THSD7A: variants seen among roughly 807,000 people sequenced by gnomAD.
The protein encoded by THSD7A is thrombospondin type-1 domain-containing protein 7A.
A neutral mutation model predicts 231.3 loss-of-function variants in THSD7A; 96 were observed. The observed-to-expected ratio is 0.41, with a 90% confidence interval of 0.35 to 0.49. The LOEUF (loss-of-function observed/expected upper bound fraction) is 0.49, where lower values mean the gene tolerates loss of function less well. THSD7A is among the 20% of genes least tolerant of loss of function. The pLI is 0.05. For missense variants in THSD7A, 2,290 were observed against 2,070.2 expected, an observed-to-expected ratio of 1.11 and a Z score of -2.06; for synonymous variants, 940 against 743.3, an observed-to-expected ratio of 1.26 and a Z score of -4.30.
chr7:11,415,938 T>C (rs2115394349), intron 17 of THSD7A, among the ~76,000 whole-genome samples: 1 of 152,326 alleles, frequency 6.6e-6, no homozygotes, highest in South Asian at 2.1e-4. Context: ...TGCCCAAAAA[T>C]CTTTTCCAAC....
At chr7:11,666,797 A>G (rs970043627) in intron 1 of THSD7A, among the ~76,000 whole-genome samples, 1 of 151,782 alleles carries the variant, frequency 6.6e-6, no homozygotes, top group African/African-American at 2.4e-5. Flanking sequence ...GTGGAGGCTG[A>G]TATTCCATTT....
At chr7:11,604,700 C>T (rs1388695993) in intron 2 of THSD7A, among the ~76,000 whole-genome samples, 2 of 152,110 alleles carry the variant, frequency 1.3e-5, no homozygotes, top group African/African-American at 2.4e-5. Context: ...AATGACAATG[C>T]AGTTCTCTGA....
chr7:11,562,641 T>C (rs1311411972), intron 4 of THSD7A, among the ~76,000 whole-genome samples: 1 of 152,208 alleles, frequency 6.6e-6, no homozygotes, highest in Non-Finnish European at 1.5e-5. Flanking sequence ...ACTTTATTAC[T>C]AAATATAAGG....
chr7:11,394,985 A>G (rs1783125743), intron 23 of THSD7A, among the ~76,000 whole-genome samples: 1 of 152,222 alleles, frequency 6.6e-6, no homozygotes, highest in Admixed American at 6.5e-5. Flanking sequence ...CTTAAATGTA[A>G]ATGGGCTAAA....
At chr7:11,644,973 G>A (rs374138421) in intron 1 of THSD7A, among the ~76,000 whole-genome samples, 4 of 151,784 alleles carry the variant, frequency 2.6e-5, no homozygotes, top group African/African-American at 9.7e-5. Context: ...ACTTCCTTAG[G>A]TTACATTCCA....
intron 23 of THSD7A, among the ~76,000 whole-genome samples, chr7:11,388,000 T>G (rs573310452): frequency 2.0e-5 from 3 of 152,260 alleles, no homozygotes; most frequent in African/African-American, 7.2e-5. Flanking sequence ...TGATGGATTA[T>G]GTTTATTGAT....
chr7:11,560,470 C>G (rs1424288265), intron 4 of THSD7A, among the ~76,000 whole-genome samples: 1 of 152,050 alleles, frequency 6.6e-6, no homozygotes, highest in Non-Finnish European at 1.5e-5. Flanking sequence ...AACAAGGTCA[C>G]TGTGAGAGCC....
rs1439626012 is a variant in THSD7A at position 11,614,471 on chromosome 7, G to C, written c.1023-20969C>G. ...GCAAATTGAGTGGCTGATCCAGAAT[G>C]TATGTGTCTCCCAGTACTGCTGTAG... On this transcript the variant is annotated intron_variant, in intron 2 of 27. Coordinates refer to ENST00000423059, the MANE Select transcript of THSD7A (RefSeq NM_015204.3). Among the ~76,000 whole-genome samples the C allele has an allele frequency of 4.6e-5, 7 of 152,214 alleles. No homozygotes were observed. The East Asian group carries it at 1.3e-3, about 29-fold the overall frequency.
rs185706121 is a variant in THSD7A, at chr7:11,723,700, A to G, written c.191-86739T>C. ...AGATCAGGAGGCTAGCCACTTATCT[A>G]CATCAGGGAAGAGCATTTCAATAGA... On this transcript the variant is annotated intron_variant, in intron 1 of 27. Transcript: ENST00000423059. Among the ~76,000 whole-genome samples, 12 of 152,014 alleles carry G rather than the reference A, an allele frequency of 7.9e-5. No individual in the cohort carries two copies. In the East Asian group the frequency reaches 2.2e-3, roughly 27 times the overall value.
intron 1 of THSD7A, among the ~76,000 whole-genome samples, chr7:11,679,022 T>A (rs1783760139): frequency 6.6e-6 from 1 of 152,196 alleles, no homozygotes; most frequent in African/African-American, 2.4e-5. Context: ...GCTTCATCCC[T>A]GGGATGCAAG....
chr7:11,565,160 C>T (rs184373933), intron 4 of THSD7A, among the ~76,000 whole-genome samples: 16 of 152,264 alleles, frequency 1.1e-4, no homozygotes, highest in African/African-American at 3.4e-4. Context: ...ACAAAAACAG[C>T]ATTAACTGAT....
intron 13 of THSD7A, among the ~76,000 whole-genome samples, chr7:11,438,298 A>G (rs1227202195): frequency 6.6e-6 from 1 of 152,028 alleles, no homozygotes; most frequent in East Asian, 1.9e-4. Context: ...CCACACACAT[A>G]TTTATAATGT....
intron 23 of THSD7A, among the ~76,000 whole-genome samples, chr7:11,388,723 C>G (rs1322805971): frequency 6.6e-6 from 1 of 152,050 alleles, no homozygotes; most frequent in African/African-American, 2.4e-5. Context: ...TTTGTTTGCT[C>G]TTACTTCTCT....
chr7:11,461,506 C>T (rs1381827921), intron 10 of THSD7A, among the ~76,000 whole-genome samples: 1 of 152,070 alleles, frequency 6.6e-6, no homozygotes, highest in Non-Finnish European at 1.5e-5. Context: ...TGATATATAG[C>T]TTCGATAACT....
rs1789937532 is a variant in THSD7A at position 11,558,406 on chromosome 7, A to G, written c.1454-15289T>C. On this transcript the variant is annotated intron_variant, in intron 4 of 27. Coordinates refer to ENST00000423059, the MANE Select transcript of THSD7A (RefSeq NM_015204.3). Reference sequence around the variant, plus strand: ...GAAAAATCCTCAGAGGATCCCCAAAATCTACAACATAAATCCGATCTACTA... The same window carrying G: ...GAAAAATCCTCAGAGGATCCCCAAAGTCTACAACATAAATCCGATCTACTA... 1.3e-5 allele frequency among the ~76,000 whole-genome samples: 2 copies of G among 152,140 alleles called. 1 individual carries two copies. The highest frequency in any genetic ancestry group is 4.1e-4 in the South Asian group (2 of 4,838).
rs72 is a variant in THSD7A, at chr7:11,574,724, C to T, written c.1453+15736G>A. 3.4e-3 allele frequency among the ~76,000 whole-genome samples: 511 copies of T among 152,040 alleles called. 2 individuals carry two copies. The highest frequency in any genetic ancestry group is 0.012 in the African/African-American group (493 of 41,498). On this transcript the variant is annotated intron_variant, in intron 4 of 27. Transcript: ENST00000423059. ...GTGCTGGGATTACAGGCGTGAGCCA[C>T]CGCGCCCGGCCAACAAAAACATTAT... is the stretch of plus-strand genomic sequence containing the variant.
chr7:11,713,566 A>C (rs1326233260), intron 1 of THSD7A, among the ~76,000 whole-genome samples: 1 of 151,342 alleles, frequency 6.6e-6, no homozygotes, highest in African/African-American at 2.4e-5. Flanking sequence ...TCAGAGTAAA[A>C]GTCCGAACTT....
chr7:11,509,010 T>C (rs531705185), intron 6 of THSD7A, among the ~76,000 whole-genome samples: 35 of 152,194 alleles, frequency 2.3e-4, no homozygotes, highest in Non-Finnish European at 4.6e-4. Flanking sequence ...AGATCTTCTA[T>C]ATAACACTAT....
At chr7:11,476,254 G>A (rs908101268) in intron 7 of THSD7A, among the ~76,000 whole-genome samples, 5 of 146,782 alleles carry the variant, frequency 3.4e-5, no homozygotes, top group South Asian at 2.2e-4. Flanking sequence ...ATATTTATAC[G>A]TTAAGGCAAG....
Sources: allele counts gnomAD v4.1 joint callset (sites outside exome capture counted in the v4.1 genomes callset), GRCh38; gene constraint gnomAD v4.1.1; transcripts MANE v1.5; gene names NCBI Gene and HGNC (gene_info 2026-07-23, HGNC 2026-07-21).